Variants in APBB1IP observed in about 807,000 individuals in gnomAD.
APBB1IP encodes the protein amyloid beta A4 precursor protein-binding family B member 1-interacting protein.
APBB1IP carries 27 observed loss-of-function variants against 64.9 expected under a neutral mutation model. The observed-to-expected ratio is 0.42, with a 90% CI of 0.31 to 0.57. The LOEUF (loss-of-function observed/expected upper bound fraction) is 0.57. Ranked by LOEUF, APBB1IP falls within the 20% of genes least tolerant of loss-of-function variation. The pLI is 0.20. For synonymous variants in APBB1IP, 392 were observed against 331.0 expected, an observed-to-expected ratio of 1.18 and a Z score of -2.00; for missense variants, 812 against 845.5, an observed-to-expected ratio of 0.96 and a Z score of 0.49.
chr10:26,515,124 G>C (rs12570946), intron 8 of APBB1IP, among the ~76,000 whole-genome samples: 1 of 149,806 alleles, frequency 6.7e-6, no homozygotes. Context: ...CTCGTGATCC[G>C]CCCGCCTTGG....
rs565899450 is a variant in APBB1IP, at chr10:26,525,956, G to A, written c.814-7483G>A. 3.9e-5 allele frequency among the ~76,000 whole-genome samples: 6 copies of A among 152,248 alleles called. No individual in the cohort carries two copies. In the South Asian group the frequency reaches 8.3e-4, roughly 21 times the overall value. The stretch of plus-strand genomic sequence containing the variant: ...CCTTTCCTCTGGGTATAGGGTGGGC[G>A]CCTGTCTCACAAGGATCCTGTGACT... On this transcript the variant is annotated intron_variant, in intron 8 of 14. Coordinates refer to ENST00000376236, the MANE Select transcript of APBB1IP (RefSeq NM_019043.4).
At chr10:26,558,399 T>G (rs1176147565) in intron 11 of APBB1IP, among the ~76,000 whole-genome samples, 3 of 152,180 alleles carry the variant, frequency 2.0e-5, no homozygotes, top group African/African-American at 7.2e-5. Context: ...GCTGGCCATG[T>G]GCTAAGCACT....
intron 8 of APBB1IP, among the ~76,000 whole-genome samples, chr10:26,518,306 G>A (rs900177413): frequency 8.0e-5 from 12 of 150,108 alleles, no homozygotes; most frequent in Non-Finnish European, 1.8e-4. Flanking sequence ...GGAATGCAGT[G>A]ACACAATCTC....
At chr10:26,528,600 G>A (rs1019247456) in intron 8 of APBB1IP, among the ~76,000 whole-genome samples, 1 of 151,952 alleles carries the variant, frequency 6.6e-6, no homozygotes, top group Non-Finnish European at 1.5e-5. Context: ...CACTATGATC[G>A]ATCTGTATTT....
At chr10:26,516,556 A>AAAAAAAAAAAAAAAT (rs1836332621) in intron 8 of APBB1IP, among the ~76,000 whole-genome samples, 1 of 149,522 alleles carries the variant, frequency 6.7e-6, no homozygotes, top group East Asian at 2.0e-4. Flanking sequence ...AAAAAAAAAA[A>AAAAAAAAAAAAAAAT]AAAAAGTAAA....
intron 2 of APBB1IP, among the ~76,000 whole-genome samples, chr10:26,460,398 T>A (rs1835575594): frequency 6.6e-6 from 1 of 152,144 alleles, no homozygotes; most frequent in Admixed American, 6.5e-5. Flanking sequence ...CCCAGCAATG[T>A]TTAGGAGAAT....
intron 7 of APBB1IP, 125 bp downstream of exon 7, chr10:26,512,031 T>C (rs901370531): frequency 3.5e-6 from 4 of 1,139,378 alleles, no homozygotes; most frequent in Non-Finnish European, 3.6e-6. Flanking sequence ...GCTCTCACTA[T>C]GCTGCCCAGG....
intron 11 of APBB1IP, among the ~76,000 whole-genome samples, chr10:26,548,105 T>G (rs1243209294): frequency 7.2e-5 from 11 of 152,244 alleles, no homozygotes; most frequent in African/African-American, 2.4e-4. Flanking sequence ...TGCTCAAGGT[T>G]GCTTTGGCTA....
chr10:26,527,306 G>A (rs1008134977), intron 8 of APBB1IP, among the ~76,000 whole-genome samples: 1 of 152,130 alleles, frequency 6.6e-6, no homozygotes, highest in Admixed American at 6.5e-5. Context: ...CCAACACTTT[G>A]GGAGGCAGAG....
intron 11 of APBB1IP, among the ~76,000 whole-genome samples, chr10:26,542,614 G>A (rs139781306): frequency 6.6e-6 from 1 of 152,236 alleles, no homozygotes; most frequent in African/African-American, 2.4e-5. Context: ...TTAGTCAAAT[G>A]CAATAACCAG....
chr10:26,457,693 G>T lies in APBB1IP; in HGVS notation c.-1+18840G>T, dbSNP rs113561874. ...TTGCATTTAAACCACCGGTAGGGCT[G>T]CCTGGTGGAAATGCTCTCTATGCAA... On this transcript the variant is annotated intron_variant, in intron 2 of 14. Coordinates refer to ENST00000376236, the MANE Select transcript of APBB1IP (RefSeq NM_019043.4). Among the ~76,000 whole-genome samples, 458 of 152,310 alleles carry T rather than the reference G, an allele frequency of 3.0e-3. 2 individuals are homozygous for T. Among genetic ancestry groups the T allele is most frequent in the African/African-American group, 0.01 (433 of 41,572 alleles).
Position 26,567,785 on chromosome 10 carries a change from G to A in APBB1IP, c.*297G>A, listed in dbSNP as rs2132490332. ...TTATGTTCAGAAGCATCAAATAAAA[G>A]TTAAACGTTTTTCCGGAAGACGGTA... On this transcript the variant is annotated 3_prime_UTR_variant, in exon 15 of 15. Coordinates refer to ENST00000376236, the MANE Select transcript of APBB1IP (RefSeq NM_019043.4). The A allele has an allele frequency of 4.8e-6, 2 of 419,870 alleles. No individual in the cohort carries two copies. Among genetic ancestry groups the A allele is most frequent in the South Asian group, 5.4e-5 (2 of 36,762 alleles). The allele number at this position is 419,870 out of a possible 1,614,324, so 26.0% of individuals were successfully genotyped here. A position where few individuals can be genotyped will look rare whatever the true frequency, so the allele number is the denominator to read the frequency against.
At chr10:26,460,983 A>G (rs140649063) in intron 2 of APBB1IP, among the ~76,000 whole-genome samples, 19 of 152,248 alleles carry the variant, frequency 1.2e-4, no homozygotes, top group East Asian at 7.7e-4. Context: ...TCTCATGTCA[A>G]TGTGTCTGCT....
In APBB1IP at chr10:26,550,814, T is replaced by C. The variant is rs187697959; in HGVS notation, c.1155+9122T>C. On this transcript the variant is annotated intron_variant, in intron 11 of 14. Transcript: ENST00000376236. Reference sequence around the variant, plus strand: ...GACATTGGGCTCTGTCTTTGCATTGTTGAGTTAGGTATTTATTTCAGTCTT... The same window carrying C: ...GACATTGGGCTCTGTCTTTGCATTGCTGAGTTAGGTATTTATTTCAGTCTT... Among the ~76,000 whole-genome samples the C allele has an allele frequency of 6.6e-5, 10 of 152,364 alleles. No individual in the cohort carries two copies. The South Asian group carries it at 8.3e-4, about 13-fold the overall frequency.
At chr10:26,530,439 C>T (rs759327347) in intron 8 of APBB1IP, among the ~76,000 whole-genome samples, 8 of 151,886 alleles carry the variant, frequency 5.3e-5, no homozygotes, top group South Asian at 2.1e-4. Flanking sequence ...CGCATGTAAT[C>T]GCAGCACTTT....
chr10:26,510,975 G>A (rs1184595620), intron 6 of APBB1IP, among the ~76,000 whole-genome samples: 1 of 151,774 alleles, frequency 6.6e-6, no homozygotes, highest in Non-Finnish European at 1.5e-5. Context: ...GGTCTTATTT[G>A]GTGTCTTCAG....
rs150237906 is a variant in APBB1IP, at chr10:26,541,499, CT to C, written c.1045-81del. 1,068 of 829,056 alleles carry C rather than the reference CT, an allele frequency of 1.3e-3. 5 individuals are homozygous for C. In the African/African-American group the frequency reaches 0.017, roughly 13 times the overall value. The allele number at this position is 829,056 out of a possible 1,614,324, so 51.4% of individuals were successfully genotyped here. On this transcript the variant is annotated intron_variant, in intron 10 of 14. Coordinates refer to ENST00000376236, the MANE Select transcript of APBB1IP (RefSeq NM_019043.4). ...ATATTTTCTTTACTAAAATATAATC[CT>C]TAGTTGTGCTATGAAGGACAACTCT...
intron 8 of APBB1IP, among the ~76,000 whole-genome samples, chr10:26,521,864 C>T (rs1260110153): frequency 2.0e-5 from 3 of 152,190 alleles, no homozygotes; most frequent in Admixed American, 6.5e-5. Context: ...GATTCTCCTG[C>T]CTCAGTCTCC....
chr10:26,562,159 G>A (rs1836981146), intron 13 of APBB1IP, 167 bp from the exon 14 acceptor site: 1 of 559,860 alleles, frequency 1.8e-6, no homozygotes, highest in Non-Finnish European at 3.2e-6. Context: ...CCATGCCTGT[G>A]AGTTGCTCTC....
Sources: gnomAD v4.1 joint callset for allele counts (sites outside exome capture counted in the v4.1 genomes callset) on GRCh38, gnomAD v4.1.1 for gene constraint, MANE v1.5 for transcripts, NCBI Gene and HGNC (gene_info 2026-07-23, HGNC 2026-07-21) for gene names.